The following PID1 variants were observed in gnomAD, a reference collection of about 807,000 sequenced individuals.
The protein encoded by PID1 is PTB-containing, cubilin and LRP1-interacting protein.
PID1 carries 10 observed loss-of-function variants against 19.1 expected under a neutral mutation model. The ratio of observed to expected loss-of-function variants is 0.52; its 90% CI spans 0.32 to 0.89. PID1 has a LOEUF of 0.89. Ranked by LOEUF, PID1 falls within the 40% of genes least tolerant of loss-of-function variation. The pLI is 0.03. For missense variants in PID1, 248 were observed against 285.3 expected (o/e 0.87, Z 0.94); for synonymous variants, 130 against 116.0 (o/e 1.12, Z -0.78).
At chr2:229,163,141 A>G (rs1051313881) in intron 1 of PID1, among the ~76,000 whole-genome samples, 15 of 152,100 alleles carry the variant, frequency 9.9e-5, no homozygotes, top group African/African-American at 3.6e-4. Flanking sequence ...GAGTTTGTCT[A>G]TTTTTTCCTT....
chr2:229,039,791 T>C (rs767909680), intron 2 of PID1, among the ~76,000 whole-genome samples: 1 of 152,172 alleles, frequency 6.6e-6, no homozygotes, highest in South Asian at 2.1e-4. Context: ...CACTCATATA[T>C]TGATGGTTGG....
intron 2 of PID1, among the ~76,000 whole-genome samples, chr2:229,042,931 TTTC>T (rs1693799841): frequency 6.6e-6 from 1 of 152,090 alleles, no homozygotes; most frequent in Non-Finnish European, 1.5e-5. Context: ...ATTAGATTTT[TTTC>T]TTTTTTTTAA....
chr2:229,076,692 C>G (rs1327051610), intron 2 of PID1, among the ~76,000 whole-genome samples: 1 of 152,088 alleles, frequency 6.6e-6, no homozygotes, highest in Non-Finnish European at 1.5e-5. Flanking sequence ...TGGTTTCCAG[C>G]TTCATCCATG....
At chr2:229,140,460 T>C (rs1049361929) in intron 2 of PID1, among the ~76,000 whole-genome samples, 1 of 150,066 alleles carries the variant, frequency 6.7e-6, no homozygotes, top group African/African-American at 2.5e-5. Context: ...TACAAATAAA[T>C]GACAGATTTA....
At chr2:229,193,832 A>C (rs1408814216) in intron 1 of PID1, among the ~76,000 whole-genome samples, 2 of 152,054 alleles carry the variant, frequency 1.3e-5, no homozygotes, top group African/African-American at 4.8e-5. Flanking sequence ...AAGAAAAACA[A>C]GTAAAATTGA....
At chr2:229,132,684 G>A in intron 2 of PID1, among the ~76,000 whole-genome samples, 1 of 152,168 alleles carries the variant, frequency 6.6e-6, no homozygotes. Flanking sequence ...ATAATTTTAT[G>A]AGACAAACTC....
At chr2:229,173,505 C>G (rs1331811363) in intron 1 of PID1, among the ~76,000 whole-genome samples, 1 of 152,136 alleles carries the variant, frequency 6.6e-6, no homozygotes, top group African/African-American at 2.4e-5. Context: ...GGTTATTCAG[C>G]CATCTATTCA....
At chr2:229,229,892 C>T (rs1195443120) in intron 1 of PID1, among the ~76,000 whole-genome samples, 1 of 152,160 alleles carries the variant, frequency 6.6e-6, no homozygotes, top group Admixed American at 6.5e-5. Context: ...ACAAAGAGGA[C>T]ATTTGAACTT....
Position 229,078,211 on chromosome 2 carries a change from T to C in PID1, c.178-52103A>G, listed in dbSNP as rs148673031. On this transcript the variant is annotated intron_variant, in intron 2 of 2. Coordinates refer to ENST00000392055, the MANE Select transcript of PID1 (RefSeq NM_001100818.2). ...GATTTGGCTCTCTGTCTTTTATTGGTGTATAGGAATGTTTGTGATTTTTGC... is the reference window on the plus strand; with the variant it reads ...GATTTGGCTCTCTGTCTTTTATTGGCGTATAGGAATGTTTGTGATTTTTGC... Among the ~76,000 whole-genome samples the C allele has an allele frequency of 5.3e-3, 810 of 152,314 alleles. 9 individuals carry two copies. Among genetic ancestry groups the C allele is most frequent in the African/African-American group, 0.019 (791 of 41,562 alleles).
intron 2 of PID1, among the ~76,000 whole-genome samples, chr2:229,067,206 G>A (rs1694346234): frequency 6.6e-6 from 1 of 152,036 alleles, no homozygotes; most frequent in Non-Finnish European, 1.5e-5. Flanking sequence ...AACAGCATGG[G>A]GGTAACTGCC....
rs544075241 is a variant in PID1 at position 229,149,230 on chromosome 2, T to G, written c.177+6588A>C. On this transcript the variant is annotated intron_variant, in intron 2 of 2. Transcript: ENST00000392055. ...GCATGTGATGAGGGTGGTCACATAA[T>G]AAAACTAATATTTTCATTTGTGTTA... Among the ~76,000 whole-genome samples the G allele has an allele frequency of 2.6e-5, 4 of 152,168 alleles. No homozygotes were observed. The East Asian group carries it at 7.7e-4, about 29-fold the overall frequency.
chr2:229,079,055 A>G (rs938769391), intron 2 of PID1, among the ~76,000 whole-genome samples: 1 of 152,240 alleles, frequency 6.6e-6, no homozygotes, highest in Non-Finnish European at 1.5e-5. Flanking sequence ...GAAACAATTT[A>G]AAACAAAAAG....
At chr2:229,202,712 T>C (rs947928201) in intron 1 of PID1, among the ~76,000 whole-genome samples, 2 of 152,098 alleles carry the variant, frequency 1.3e-5, no homozygotes, top group Non-Finnish European at 2.9e-5. Flanking sequence ...ACAAAGTACA[T>C]AAAATGGCAT....
intron 2 of PID1, among the ~76,000 whole-genome samples, chr2:229,108,932 G>A (rs1473527653): frequency 6.6e-6 from 1 of 152,158 alleles, no homozygotes; most frequent in Non-Finnish European, 1.5e-5. Context: ...TATGATATCA[G>A]CAAAAATTGG....
intron 1 of PID1, among the ~76,000 whole-genome samples, chr2:229,212,136 T>A (rs994024089): frequency 2.0e-5 from 3 of 152,196 alleles, no homozygotes; most frequent in African/African-American, 2.4e-5. Context: ...TGAATTTGCA[T>A]TTTTGGAGGG....
intron 2 of PID1, among the ~76,000 whole-genome samples, chr2:229,030,422 G>A (rs2106164422): frequency 6.6e-6 from 1 of 152,154 alleles, no homozygotes; most frequent in East Asian, 1.9e-4. Flanking sequence ...GTTTTATGTT[G>A]TATGTATTTT....
At chr2:229,269,596 C>A (rs1690681488) in intron 1 of PID1, among the ~76,000 whole-genome samples, 1 of 152,246 alleles carries the variant, frequency 6.6e-6, no homozygotes, top group African/African-American at 2.4e-5. Context: ...TCATTCTGCT[C>A]CTTTGGAATA....
chr2:229,026,080 G>T lies in PID1; in HGVS notation c.206C>A (p.Thr69Asn), dbSNP rs530206277. 5.6e-6 allele frequency: 9 copies of T among 1,614,104 alleles called. No homozygotes were observed. Among genetic ancestry groups the T allele is most frequent in the Non-Finnish European group, 7.6e-6 (9 of 1,179,966 alleles). Residue 69 changes from threonine (T) to asparagine (N), a missense_variant, in exon 3 of 3, where the codon ACT becomes AAT. Transcript: ENST00000392055. ...KVTYLGKVSTTGMQFLSGCTE... is the reference protein window; with the variant it reads ...KVTYLGKVSTNGMQFLSGCTE... ...GCAGCCTGACAAAAACTGCATGCCA[G>T]TGGTGGAGACTTTGCCCAGGTAGGT...
intron 2 of PID1, among the ~76,000 whole-genome samples, chr2:229,074,579 C>T (rs190132472): frequency 6.6e-6 from 1 of 152,232 alleles, no homozygotes; most frequent in Admixed American, 6.5e-5. Context: ...TAAATACTAT[C>T]TCATGATTCT....
Sources: gnomAD v4.1 joint callset for allele counts (sites outside exome capture counted in the v4.1 genomes callset) on GRCh38, gnomAD v4.1.1 for gene constraint, MANE v1.5 for transcripts, NCBI Gene and HGNC (gene_info 2026-07-23, HGNC 2026-07-21) for gene names.